The following TNN variants were observed in gnomAD, a reference collection of about 807,000 sequenced individuals.
The protein encoded by TNN is tenascin-N.
In TNN, 122 loss-of-function variants were observed where a neutral mutation model predicts 134.4. The observed-to-expected ratio is 0.91, with a 90% CI of 0.78 to 1.06. The LOEUF is 1.06. Among genes scored for constraint, TNN ranks in the 50% least tolerant of loss-of-function variants. TNN has a pLI of 0.00. For synonymous variants in TNN, 710 were observed against 670.3 expected, an observed-to-expected ratio of 1.06 and a Z score of -0.91; for missense variants, 1,739 against 1,699.4, an observed-to-expected ratio of 1.02 and a Z score of -0.41.
chr1:175,146,907 T>C (rs751286272), intron 18 of TNN, 24 bp from the exon 19 acceptor site: 7 of 1,433,892 alleles, frequency 4.9e-6, no homozygotes, highest in African/African-American at 1.8e-5. Flanking sequence ...CTTCTTGATG[T>C]GGCTTTTTTT....
chr1:175,118,470 T>C (rs10912888), intron 10 of TNN, 91 bp from the exon 11 acceptor site: 298,347 of 1,471,408 alleles, frequency 0.2, 31,461 homozygotes, highest in African/African-American at 0.25. Flanking sequence ...CCACACAACA[T>C]GAAAGGGTTT....
intron 17 of TNN, among the ~76,000 whole-genome samples, chr1:175,144,107 T>C (rs1463608382): frequency 6.6e-6 from 1 of 152,072 alleles, no homozygotes; most frequent in Non-Finnish European, 1.5e-5. Context: ...AGAGTTGTTA[T>C]GTTTGGATAT....
chr1:175,077,275 C>A, intron 1 of TNN, 109 bp from the exon 2 acceptor site: 1 of 842,510 alleles, frequency 1.2e-6, no homozygotes, highest in East Asian at 2.4e-5. Flanking sequence ...AGAATGAGTT[C>A]TTTCTGCTGG....
In TNN at chr1:175,077,431, G is replaced by A. The variant is rs757073878; in HGVS notation, c.13G>A (p.Glu5Lys). MSLQEMFRFPMGLLL... is the reference protein window; with the variant it reads MSLQKMFRFPMGLLL... ...TGTCTTTCCAAGGATGAGTCTCCAG[G>A]AGATGTTCCGCTTCCCTATGGGGCT... Residue 5 changes from glutamate to lysine, a missense_variant, in exon 2 of 19, where the codon GAG becomes AAG. By Grantham distance (56) the Glu-to-Lys change is moderately conservative (BLOSUM62 1). Coordinates refer to ENST00000239462, the MANE Select transcript of TNN (RefSeq NM_022093.2). The A allele has an allele frequency of 4.3e-6, 7 of 1,613,120 alleles. No homozygotes were observed. In the Admixed American group the frequency reaches 6.7e-5, roughly 15 times the overall value.
At chr1:175,092,041 G>A (rs1416203514) in intron 6 of TNN, among the ~76,000 whole-genome samples, 1 of 152,332 alleles carries the variant, frequency 6.6e-6, no homozygotes, top group Middle Eastern at 3.4e-3. Context: ...TACAGATGTG[G>A]ATGCTTTTGA....
At chr1:175,133,435 A>C (rs1334022422) in intron 15 of TNN, among the ~76,000 whole-genome samples, 1 of 152,184 alleles carries the variant, frequency 6.6e-6, no homozygotes, top group Non-Finnish European at 1.5e-5. Flanking sequence ...TTTCTGTGCC[A>C]CTAAATTCTA....
intron 9 of TNN, among the ~76,000 whole-genome samples, chr1:175,099,447 G>A (rs1009604286): frequency 4.0e-5 from 6 of 151,620 alleles, no homozygotes; most frequent in African/African-American, 1.5e-4. Flanking sequence ...GAAGTGAGGG[G>A]TCAGTAAGGA....
At chr1:175,118,920 C>T in intron 11 of TNN, 96 bp downstream of exon 11, 1 of 1,489,734 alleles carries the variant, frequency 6.7e-7, no homozygotes, top group Non-Finnish European at 9.1e-7. Flanking sequence ...CATCTGTAAC[C>T]TCAGGGCTGC....
In TNN at chr1:175,079,967, A is replaced by AGTGT. The variant is rs3833962; in HGVS notation, c.785-182_785-179dup. 7.4e-3 allele frequency among the ~76,000 whole-genome samples: 1,109 copies of AGTGT among 150,436 alleles called. 9 individuals are homozygous for AGTGT. Among genetic ancestry groups the AGTGT allele is most frequent in the African/African-American group, 0.022 (895 of 40,982 alleles). On this transcript the variant is annotated intron_variant, in intron 3 of 18. Coordinates refer to ENST00000239462, the MANE Select transcript of TNN (RefSeq NM_022093.2). ...TCTTGTGATCTAATGGCTGTGTGTG[A>AGTGT]GTGTGTGTGTGTGTGTGGTGAGGGG...
At chr1:175,088,500 CTA>C (rs1282102467) in intron 6 of TNN, among the ~76,000 whole-genome samples, 2 of 152,166 alleles carry the variant, frequency 1.3e-5, no homozygotes, top group Non-Finnish European at 2.9e-5. Flanking sequence ...GAAAAATTTT[CTA>C]TGATTCCTCA....
chr1:175,139,472 A>G (rs1675894610), intron 17 of TNN, among the ~76,000 whole-genome samples: 2 of 152,224 alleles, frequency 1.3e-5, no homozygotes, highest in South Asian at 2.1e-4. Context: ...AGGATCATCA[A>G]TATCACTGTC....
chr1:175,137,785 T>C (rs1675850882), intron 17 of TNN, among the ~76,000 whole-genome samples: 1 of 152,270 alleles, frequency 6.6e-6, no homozygotes, highest in African/African-American at 2.4e-5. Flanking sequence ...TTTTTGACTT[T>C]GGTGTATTTA....
At chr1:175,103,988 C>T (rs1172759407) in intron 9 of TNN, among the ~76,000 whole-genome samples, 1 of 145,924 alleles carries the variant, frequency 6.9e-6, no homozygotes, top group Non-Finnish European at 1.5e-5. Context: ...TAGGGGACAA[C>T]AAATGGGTAA....
chr1:175,108,561 A>T (rs1320662872), intron 9 of TNN, among the ~76,000 whole-genome samples: 1 of 152,202 alleles, frequency 6.6e-6, no homozygotes, highest in Non-Finnish European at 1.5e-5. Context: ...GAGGCAGGGG[A>T]AGGCTTAGGC....
chr1:175,093,959 T>C, intron 6 of TNN, 31 bp from the exon 7 acceptor site: 2 of 1,574,912 alleles, frequency 1.3e-6, no homozygotes, highest in South Asian at 2.3e-5. Flanking sequence ...CTGGTTTCTC[T>C]GATTTTTCTT....
intron 4 of TNN, among the ~76,000 whole-genome samples, chr1:175,083,269 A>T (rs1225778818): frequency 6.6e-6 from 1 of 152,218 alleles, no homozygotes; most frequent in East Asian, 1.9e-4. Flanking sequence ...AGCTTGTTGG[A>T]TTACCAATGT....
At chr1:175,128,838 C>A (rs1675602003) in intron 15 of TNN, 92 bp downstream of exon 15, 1 of 1,342,456 alleles carries the variant, frequency 7.4e-7, no homozygotes. Context: ...GTGTTTGGAG[C>A]CCTATTTCTT....
At chr1:175,129,529 T>G (rs1042083920) in intron 15 of TNN, among the ~76,000 whole-genome samples, 1 of 151,308 alleles carries the variant, frequency 6.6e-6, no homozygotes, top group Admixed American at 6.6e-5. Context: ...TGTGAGTTGA[T>G]CATCATCTAG....
rs59538028 is a variant in TNN at position 175,111,486 on chromosome 1, CAAAAAAAAAAAAAA to C, written c.2120-5436_2120-5423del. 2.9e-4 allele frequency among the ~76,000 whole-genome samples: 18 copies of C among 62,514 alleles called. 1 individual carries two copies. The highest frequency in any genetic ancestry group is 1.0e-3 in the African/African-American group (18 of 17,152). The allele number at this position is 62,514 out of a possible 152,430, so 41.0% of individuals were successfully genotyped here. A position where few individuals can be genotyped will look rare whatever the true frequency, so the allele number is the denominator to read the frequency against. ...TGGGAAACAGAGCGAGACTCTGTCT[CAAAAAAAAAAAAAA>C]AAAAAAAAAAAAAAAAGAATTGTTT... On this transcript the variant is annotated intron_variant, in intron 9 of 18. Coordinates refer to ENST00000239462, the MANE Select transcript of TNN (RefSeq NM_022093.2).
Sources: allele counts gnomAD v4.1 joint callset (sites outside exome capture counted in the v4.1 genomes callset), GRCh38; gene constraint gnomAD v4.1.1; transcripts MANE v1.5; gene names NCBI Gene and HGNC (gene_info 2026-07-23, HGNC 2026-07-21).